Variants in EXT1 observed in about 807,000 individuals in gnomAD.
EXT1 encodes the protein exostosin glycosyltransferase 1.
EXT1 carries 20 observed loss-of-function variants against 82.5 expected under a neutral mutation model. The ratio of observed to expected loss-of-function variants is 0.24; its 90% CI spans 0.17 to 0.35. The LOEUF (loss-of-function observed/expected upper bound fraction) is 0.35. Among genes scored for constraint, EXT1 ranks in the 10% least tolerant of loss-of-function variants. EXT1 has a pLI of 1.00. For synonymous variants in EXT1, 348 were observed against 350.8 expected, an observed-to-expected ratio of 0.99 and a Z score of 0.09; for missense variants, 757 against 936.5, an observed-to-expected ratio of 0.81 and a Z score of 2.50.
chr8:117,962,459 T>A (rs558206557), intron 1 of EXT1, among the ~76,000 whole-genome samples: 1 of 150,924 alleles, frequency 6.6e-6, no homozygotes, highest in South Asian at 2.1e-4. Context: ...AAAAAAAAAA[T>A]TAGCCAAGAA....
chr8:118,010,725 C>G (rs1048771204), intron 1 of EXT1, among the ~76,000 whole-genome samples: 2 of 152,186 alleles, frequency 1.3e-5, no homozygotes, highest in Admixed American at 1.3e-4. Context: ...GGCAACGGCA[C>G]GGCCGCAAGA....
intron 1 of EXT1, among the ~76,000 whole-genome samples, chr8:117,847,345 G>A (rs781205164): frequency 2.6e-5 from 4 of 152,234 alleles, no homozygotes; most frequent in South Asian, 2.1e-4. Flanking sequence ...ATGAAAAATC[G>A]TGTTATTTAT....
intron 1 of EXT1, 23 bp downstream of exon 1, chr8:118,110,062 G>A: frequency 6.2e-7 from 1 of 1,613,118 alleles, no homozygotes; most frequent in East Asian, 2.2e-5. Context: ...GACTCCCAAA[G>A]ACACGCCAGC....
intron 1 of EXT1, among the ~76,000 whole-genome samples, chr8:117,871,465 A>C (rs939483543): frequency 6.6e-6 from 1 of 152,216 alleles, no homozygotes. Flanking sequence ...GAGATATCTA[A>C]AATCTAATTA....
intron 1 of EXT1, among the ~76,000 whole-genome samples, chr8:118,048,402 G>C (rs1396656188): frequency 6.6e-6 from 1 of 152,082 alleles, no homozygotes; most frequent in African/African-American, 2.4e-5. Context: ...CATGTTATAG[G>C]CTTCAAAAGT....
chr8:117,937,407 C>A (rs879512021), intron 1 of EXT1, among the ~76,000 whole-genome samples: 1 of 152,236 alleles, frequency 6.6e-6, no homozygotes, highest in Admixed American at 6.5e-5. Context: ...AGCTTCTACA[C>A]AGACGCTCCA....
intron 1 of EXT1, among the ~76,000 whole-genome samples, chr8:117,923,118 A>G (rs923404818): frequency 6.6e-6 from 1 of 151,976 alleles, no homozygotes; most frequent in African/African-American, 2.4e-5. Flanking sequence ...TGAGGTCAGG[A>G]GTTCGAGACC....
chr8:117,872,808 C>T (rs987622953), intron 1 of EXT1, among the ~76,000 whole-genome samples: 3 of 137,772 alleles, frequency 2.2e-5, no homozygotes, highest in Non-Finnish European at 3.1e-5. Context: ...CATATTAAAG[C>T]GAATACTGAA....
chr8:118,050,583 A>G (rs1816701638), intron 1 of EXT1, among the ~76,000 whole-genome samples: 1 of 152,224 alleles, frequency 6.6e-6, no homozygotes, highest in South Asian at 2.1e-4. Flanking sequence ...GCAAGTACTC[A>G]ATTCTGCCAT....
chr8:118,051,321 G>A (rs1389534801), intron 1 of EXT1, among the ~76,000 whole-genome samples: 2 of 152,166 alleles, frequency 1.3e-5, no homozygotes, highest in African/African-American at 4.8e-5. Flanking sequence ...CTGGGTGACA[G>A]AGCAAGATCC....
intron 1 of EXT1, among the ~76,000 whole-genome samples, chr8:117,922,703 A>C (rs1180351176): frequency 6.6e-6 from 1 of 152,190 alleles, no homozygotes; most frequent in Non-Finnish European, 1.5e-5. Flanking sequence ...CAGCATTTCA[A>C]TGTCCAGCCA....
chr8:117,874,575 C>CAAAAAAAAAAAA lies in EXT1; in HGVS notation c.963-37386_963-37375dup, dbSNP rs61249983. Reference sequence around the variant, plus strand: ...TAGGCAACAAAGTGAGACTCTGCCTCAAAAAAAAAAAAAAAAAAGAACAAT... The same window carrying CAAAAAAAAAAAA: ...TAGGCAACAAAGTGAGACTCTGCCTCAAAAAAAAAAAAAAAAAAAAAAAAAAAAAAGAACAAT... On this transcript the variant is annotated intron_variant, in intron 1 of 10. Transcript: ENST00000378204. 1.1e-3 allele frequency among the ~76,000 whole-genome samples: 75 copies of CAAAAAAAAAAAA among 69,692 alleles called. 1 individual carries two copies. The highest frequency in any genetic ancestry group is 1.9e-3 in the African/African-American group (36 of 18,956). The allele number at this position is 69,692 out of a possible 152,430, so 45.7% of individuals were successfully genotyped here. A position where few individuals can be genotyped will look rare whatever the true frequency, so the allele number is the denominator to read the frequency against.
intron 1 of EXT1, among the ~76,000 whole-genome samples, chr8:117,969,492 C>T (rs762209077): frequency 3.3e-5 from 5 of 152,192 alleles, no homozygotes; most frequent in Admixed American, 6.5e-5. Context: ...CCCAGAGACG[C>T]AAATTCTCTC....
chr8:117,954,758 C>T (rs1166300910), intron 1 of EXT1, among the ~76,000 whole-genome samples: 2 of 152,204 alleles, frequency 1.3e-5, no homozygotes, highest in Non-Finnish European at 2.9e-5. Flanking sequence ...TGTTTCTCTA[C>T]TGGCAATGCT....
intron 1 of EXT1, among the ~76,000 whole-genome samples, chr8:118,024,151 C>G (rs1816162766): frequency 6.6e-6 from 1 of 152,066 alleles, no homozygotes; most frequent in Non-Finnish European, 1.5e-5. Context: ...AAAAATAAAC[C>G]ACGGTAGAAA....
chr8:117,962,769 CCA>C (rs369614235), intron 1 of EXT1, among the ~76,000 whole-genome samples: 2,099 of 143,576 alleles, frequency 0.015, 72 homozygotes, highest in African/African-American at 0.056. Flanking sequence ...CCCCCCACCC[CCA>C]AAAAAAAGAG....
chr8:118,007,116 T>A (rs969500739), intron 1 of EXT1, among the ~76,000 whole-genome samples: 2 of 152,036 alleles, frequency 1.3e-5, no homozygotes, highest in African/African-American at 4.8e-5. Flanking sequence ...GCTAACACGG[T>A]GAAACCCCGT....
At chr8:117,964,890 G>C (rs1203292282) in intron 1 of EXT1, among the ~76,000 whole-genome samples, 2 of 152,052 alleles carry the variant, frequency 1.3e-5, no homozygotes, top group African/African-American at 4.8e-5. Flanking sequence ...TGCCCGCCTT[G>C]GCCTCCCAAA....
At chr8:118,050,486 T>G (rs188215428) in intron 1 of EXT1, among the ~76,000 whole-genome samples, 90 of 152,354 alleles carry the variant, frequency 5.9e-4, no homozygotes, top group African/African-American at 2.0e-3. Flanking sequence ...TCATTTTCGA[T>G]CTGCCTCCCA....
Sources: allele counts gnomAD v4.1 joint callset (sites outside exome capture counted in the v4.1 genomes callset), GRCh38; gene constraint gnomAD v4.1.1; transcripts MANE v1.5; gene names NCBI Gene and HGNC (gene_info 2026-07-23, HGNC 2026-07-21).